The following NUP133 variants were observed in gnomAD, a reference collection of about 807,000 sequenced individuals.
The protein encoded by NUP133 is nucleoporin 133.
In NUP133, 66 loss-of-function variants were observed where a neutral mutation model predicts 146.2. The observed-to-expected ratio is 0.45, with a 90% CI of 0.37 to 0.55. The LOEUF (loss-of-function observed/expected upper bound fraction) is 0.55. Among genes scored for constraint, NUP133 ranks in the 20% least tolerant of loss-of-function variants. The pLI is 0.00. For missense variants in NUP133, 1,277 were observed against 1,374.8 expected, an observed-to-expected ratio of 0.93 and a Z score of 1.12; for synonymous variants, 521 against 498.8, an observed-to-expected ratio of 1.04 and a Z score of -0.59.
chr1:229,455,431 T>G (rs1235742541), intron 21 of NUP133, among the ~76,000 whole-genome samples: 2 of 152,064 alleles, frequency 1.3e-5, no homozygotes, highest in African/African-American at 4.8e-5. Flanking sequence ...CATGGGAGCA[T>G]GCACCTGTAG....
At position 229,463,668 on chromosome 1, in the gene NUP133, C is replaced by T. The variant is rs771113214; in HGVS notation, c.2560G>A (p.Gly854Ser). ...AGAGAAGCAGCCCACAGGTACTGGC[C>T]TAGTGAAACTGTGGGAATGAGAAAA... is the stretch of plus-strand genomic sequence containing the variant. ...SDLLSPLLSLGQYLWAASLAE... is the reference protein window; with the variant it reads ...SDLLSPLLSLSQYLWAASLAE... Residue 854 changes from glycine (G) to serine (S), a missense_variant, in exon 19 of 26, where the codon GGC becomes AGC. By Grantham distance (56) the Gly-to-Ser change is moderately conservative (BLOSUM62 0). Coordinates refer to ENST00000261396, the MANE Select transcript of NUP133 (RefSeq NM_018230.3). The T allele has an allele frequency of 1.2e-6, 2 of 1,602,820 alleles. No homozygotes were observed. Among genetic ancestry groups the T allele is most frequent in the Non-Finnish European group, 1.7e-6 (2 of 1,177,182 alleles).
chr1:229,498,471 A>G (rs1661713119), intron 5 of NUP133, among the ~76,000 whole-genome samples, 165 bp from the exon 6 acceptor site: 1 of 152,250 alleles, frequency 6.6e-6, no homozygotes, highest in African/African-American at 2.4e-5. Context: ...GAATCCATTC[A>G]GTTAATATTA....
chr1:229,452,465 AC>A, intron 22 of NUP133, 59 bp downstream of exon 22: 1 of 1,373,910 alleles, frequency 7.3e-7, no homozygotes, highest in Non-Finnish European at 1.0e-6. Context: ...ACATGGCCCA[AC>A]AAACACCAAA....
intron 1 of NUP133, among the ~76,000 whole-genome samples, chr1:229,507,751 A>T (rs1661981861): frequency 1.3e-5 from 2 of 152,202 alleles, no homozygotes. Flanking sequence ...TTCACAGATG[A>T]AGAAAATCAC....
chr1:229,495,521 A>C lies in NUP133; in HGVS notation c.1020T>G (p.Ile340Met). ...AGTTTTGCTTCAAGTCCAAATATCG[A>C]ATGTTGACTCCTTCTTTAATAGCTT... ...NYEAIKEGVN[I>M]RYLDLKQNCD... Residue 340 changes from isoleucine to methionine, a missense_variant, in exon 8 of 26, where the codon ATT (isoleucine) becomes ATG (methionine). Coordinates refer to ENST00000261396, the MANE Select transcript of NUP133 (RefSeq NM_018230.3). The C allele has an allele frequency of 1.2e-6, 2 of 1,612,226 alleles. No homozygotes were observed. Among genetic ancestry groups the C allele is most frequent in the African/African-American group, 1.3e-5 (1 of 75,002 alleles).
intron 8 of NUP133, among the ~76,000 whole-genome samples, chr1:229,490,979 G>T (rs781043227): frequency 6.6e-6 from 1 of 151,364 alleles, no homozygotes; most frequent in Non-Finnish European, 1.5e-5. Context: ...AAAACAACTT[G>T]TGGAATTATA....
Position 229,458,224 on chromosome 1 carries a change from A to C in NUP133, c.2917T>G (p.Leu973Val). The part of the protein sequence containing the change: ...YFAKKKTLLG[L>V]SKLAALASDF... The stretch of plus-strand genomic sequence containing the variant: ...GAAGCTAATGCAGCCAATTTACTCA[A>C]GCCAAGAAGGGTTTTCTTCTTTGCA... Residue 973 changes from leucine to valine, a missense_variant, in exon 21 of 26, where the codon TTG (leucine) becomes GTG (valine). Physicochemically the swap from Leu to Val is conservative, Grantham distance 32. Transcript: ENST00000261396. The C allele has an allele frequency of 1.2e-6, 2 of 1,613,768 alleles. No individual in the cohort carries two copies. Among genetic ancestry groups the C allele is most frequent in the Non-Finnish European group, 1.7e-6 (2 of 1,179,766 alleles).
At chr1:229,496,888 A>AT (rs1443943402) in intron 6 of NUP133, among the ~76,000 whole-genome samples, 1 of 152,232 alleles carries the variant, frequency 6.6e-6, no homozygotes, top group Non-Finnish European at 1.5e-5. Flanking sequence ...TTGAATGTGA[A>AT]TTGGTAAGTG....
chr1:229,460,051 A>G (rs1381669452), intron 20 of NUP133, among the ~76,000 whole-genome samples: 1 of 152,144 alleles, frequency 6.6e-6, no homozygotes, highest in Non-Finnish European at 1.5e-5. Flanking sequence ...GGTAACAGCC[A>G]TTCGAACAAA....
intron 24 of NUP133, 44 bp downstream of exon 24, chr1:229,449,082 G>C (rs754417097): frequency 2.8e-6 from 4 of 1,425,110 alleles, no homozygotes; most frequent in Non-Finnish European, 4.0e-6. Flanking sequence ...CAGAGGAAAA[G>C]CAGTTTCTAT....
chr1:229,464,525 G>A, intron 18 of NUP133, 99 bp downstream of exon 18: 1 of 1,391,766 alleles, frequency 7.2e-7, no homozygotes, highest in South Asian at 1.4e-5. Context: ...CTTTATTACA[G>A]TTGGATTAAC....
chr1:229,449,010 TG>T, intron 24 of NUP133, 115 bp downstream of exon 24: 1 of 778,068 alleles, frequency 1.3e-6, no homozygotes. Context: ...GTGTAGGAGG[TG>T]GGAAATCCCA....
intron 12 of NUP133, among the ~76,000 whole-genome samples, chr1:229,479,690 AGTG>A (rs531432712): frequency 4.9e-4 from 74 of 152,312 alleles, no homozygotes; most frequent in African/African-American, 1.7e-3. Flanking sequence ...TTGAAACTCA[AGTG>A]CCTATGAAAT....
In NUP133 at chr1:229,487,767, C is replaced by T. The variant is rs372507157; in HGVS notation, c.1195-154G>A. On this transcript the variant is annotated intron_variant, in intron 9 of 25. Coordinates refer to ENST00000261396, the MANE Select transcript of NUP133 (RefSeq NM_018230.3). Reference sequence around the variant, plus strand: ...ACTACCCATGAGATGATTAACAAAACATGACAGAGTAAGTTTATAAACATC... The same window carrying T: ...ACTACCCATGAGATGATTAACAAAATATGACAGAGTAAGTTTATAAACATC... Among the ~76,000 whole-genome samples the T allele has an allele frequency of 2.6e-5, 4 of 151,526 alleles. No homozygotes were observed. In the East Asian group the frequency reaches 7.7e-4, roughly 29 times the overall value.
At chr1:229,483,592 C>T (rs1661271808) in intron 12 of NUP133, among the ~76,000 whole-genome samples, 2 of 149,766 alleles carry the variant, frequency 1.3e-5, no homozygotes, top group Admixed American at 6.8e-5. Context: ...GCAGTCCCAG[C>T]TACTTGGGAG....
intron 6 of NUP133, among the ~76,000 whole-genome samples, chr1:229,497,810 C>T (rs1286618888): frequency 6.6e-6 from 1 of 152,190 alleles, no homozygotes; most frequent in Admixed American, 6.5e-5. Context: ...CAGCTGGAGG[C>T]ATGAGTAGAA....
chr1:229,454,201 G>A (rs958467885), intron 21 of NUP133, among the ~76,000 whole-genome samples: 1 of 151,994 alleles, frequency 6.6e-6, no homozygotes, highest in African/African-American at 2.4e-5. Context: ...GAGGTAACAG[G>A]GGCTTCTGTT....
At position 229,508,174 on chromosome 1, in the gene NUP133, C is replaced by G. The variant is rs1661995757; in HGVS notation, c.76G>C (p.Gly26Arg). The G allele has an allele frequency of 6.3e-7, 1 of 1,589,882 alleles. No individual in the cohort carries two copies. The highest frequency in any genetic ancestry group is 8.5e-7 in the Non-Finnish European group (1 of 1,169,892). The change falls in exon 1 of 26, where the codon GGC becomes CGC. Residue 26 changes from glycine (G) to arginine (R), a missense_variant. Around this residue, in one of 3 missense-constraint regions of NUP133, gnomAD observed 319 missense variants for 306.9 expected, o/e 1.04. Coordinates refer to ENST00000261396, the MANE Select transcript of NUP133 (RefSeq NM_018230.3). ...CTGCTAGCCGTCCGGGGCGTGGAGC[C>G]GGGCCCGAGTCCGGCCAGCGGGCCC... ...RRGPLAGLGP[G>R]STPRTASRKG...
intron 2 of NUP133, among the ~76,000 whole-genome samples, chr1:229,505,385 G>C (rs1359355575): frequency 6.6e-6 from 1 of 151,802 alleles, no homozygotes; most frequent in Non-Finnish European, 1.5e-5. Context: ...AAAAAACACA[G>C]TATATATAAG....
Sources: allele counts gnomAD v4.1 joint callset (sites outside exome capture counted in the v4.1 genomes callset), GRCh38; gene constraint gnomAD v4.1.1; regional missense constraint gnomAD v4.1.1; transcripts MANE v1.5; gene names NCBI Gene and HGNC (gene_info 2026-07-23, HGNC 2026-07-21).